DNER: variants seen among roughly 807,000 people sequenced by gnomAD.
The protein encoded by DNER is delta/notch like EGF repeat containing.
DNER carries 33 observed loss-of-function variants against 78.2 expected under a neutral mutation model. The observed-to-expected ratio is 0.42, with a 90% confidence interval of 0.32 to 0.56. The LOEUF is 0.56. Ranked by LOEUF, DNER falls within the 20% of genes least tolerant of loss-of-function variation. The probability of loss-of-function intolerance (pLI) is 0.11; values close to 1 mark genes in which losing one functional copy is unlikely to be tolerated. For synonymous variants in DNER, 417 were observed against 384.8 expected, an observed-to-expected ratio of 1.08 and a Z score of -0.98; for missense variants, 918 against 975.3, an observed-to-expected ratio of 0.94 and a Z score of 0.78.
chr2:229,553,627 C>T (rs58110232), intron 4 of DNER, among the ~76,000 whole-genome samples: 33 of 152,292 alleles, frequency 2.2e-4, no homozygotes, highest in African/African-American at 7.9e-4. Context: ...GCCATGCCAG[C>T]GCAGGTGGGT....
At chr2:229,460,247 A>G (rs187512474) in intron 7 of DNER, among the ~76,000 whole-genome samples, 340 of 151,740 alleles carry the variant, frequency 2.2e-3, no homozygotes, top group Non-Finnish European at 3.7e-3. Context: ...CAGAACTCTT[A>G]AAATAATTCA....
At chr2:229,495,900 C>A (rs1695491556) in intron 6 of DNER, among the ~76,000 whole-genome samples, 1 of 152,206 alleles carries the variant, frequency 6.6e-6, no homozygotes, top group Admixed American at 6.5e-5. Context: ...CTCATCACTG[C>A]CAACCAGTAT....
chr2:229,528,270 A>T (rs1358085510), intron 5 of DNER, among the ~76,000 whole-genome samples: 1 of 152,190 alleles, frequency 6.6e-6, no homozygotes, highest in East Asian at 1.9e-4. Flanking sequence ...TGCAACAAGG[A>T]CCATGAGAAG....
chr2:229,376,286 T>A (rs2106330250), intron 11 of DNER, among the ~76,000 whole-genome samples: 1 of 152,204 alleles, frequency 6.6e-6, no homozygotes. Context: ...AATGTCCTTA[T>A]AAAAGAGGCC....
At chr2:229,665,359 C>T (rs763637479) in intron 1 of DNER, among the ~76,000 whole-genome samples, 3 of 152,162 alleles carry the variant, frequency 2.0e-5, no homozygotes, top group Non-Finnish European at 4.4e-5. Context: ...ACCAGGTCCA[C>T]CAATGTCCAA....
intron 1 of DNER, among the ~76,000 whole-genome samples, chr2:229,702,656 G>A (rs546222915): frequency 3.3e-5 from 5 of 152,008 alleles, no homozygotes; most frequent in South Asian, 2.1e-4. Flanking sequence ...GGTGGCTCAC[G>A]CCTGTAATCC....
chr2:229,554,422 T>G lies in DNER; in HGVS notation c.848-7330A>C, dbSNP rs529116510. ...AAAATTTTACAATGGCCAGGCATGATGGCTCACGCCTATAATCCTAGCACT... is the reference window on the plus strand; with the variant it reads ...AAAATTTTACAATGGCCAGGCATGAGGGCTCACGCCTATAATCCTAGCACT... On this transcript the variant is annotated intron_variant, in intron 4 of 12. Coordinates refer to ENST00000341772, the MANE Select transcript of DNER (RefSeq NM_139072.4). 3.3e-5 allele frequency among the ~76,000 whole-genome samples: 5 copies of G among 152,290 alleles called. No individual in the cohort carries two copies. In the East Asian group the frequency reaches 9.7e-4, roughly 29 times the overall value.
At chr2:229,640,041 T>A (rs971155530) in intron 1 of DNER, among the ~76,000 whole-genome samples, 1 of 152,200 alleles carries the variant, frequency 6.6e-6, no homozygotes, top group East Asian at 1.9e-4. Flanking sequence ...GAAGTCCTTC[T>A]CCCATAGCCC....
intron 11 of DNER, among the ~76,000 whole-genome samples, chr2:229,378,330 G>A (rs1484170505): frequency 2.0e-5 from 3 of 152,266 alleles, no homozygotes; most frequent in South Asian, 4.1e-4. Context: ...AGATGGTCAG[G>A]GAAGGCACCT....
intron 4 of DNER, among the ~76,000 whole-genome samples, chr2:229,551,570 G>T (rs1696737205): frequency 6.6e-6 from 1 of 152,050 alleles, no homozygotes; most frequent in Non-Finnish European, 1.5e-5. Flanking sequence ...GGAGGCAGAG[G>T]TTGCAGTGAG....
chr2:229,521,322 C>G (rs944993938), intron 5 of DNER, among the ~76,000 whole-genome samples: 1 of 152,182 alleles, frequency 6.6e-6, no homozygotes, highest in Non-Finnish European at 1.5e-5. Context: ...ACTCATGTAA[C>G]GACACAGCAT....
chr2:229,539,432 C>A (rs1487159096), intron 5 of DNER, among the ~76,000 whole-genome samples: 2 of 152,228 alleles, frequency 1.3e-5, no homozygotes, highest in Non-Finnish European at 2.9e-5. Context: ...ACTGGCAATG[C>A]TGCTTAAAAT....
At chr2:229,363,198 A>G (rs1692255481) in intron 12 of DNER, among the ~76,000 whole-genome samples, 2 of 152,056 alleles carry the variant, frequency 1.3e-5, no homozygotes, top group Non-Finnish European at 2.9e-5. Flanking sequence ...CTCCTTCTCA[A>G]CCCTACTAGG....
chr2:229,643,977 A>G (rs1318788862), intron 1 of DNER, among the ~76,000 whole-genome samples: 1 of 152,132 alleles, frequency 6.6e-6, no homozygotes, highest in African/African-American at 2.4e-5. Flanking sequence ...TCACCACTTC[A>G]GTGCTTTGCA....
At chr2:229,391,480 T>C (rs1397129991) in intron 10 of DNER, among the ~76,000 whole-genome samples, 1 of 152,208 alleles carries the variant, frequency 6.6e-6, no homozygotes, top group African/African-American at 2.4e-5. Flanking sequence ...CAAAATGAAA[T>C]TTCTACTTGA....
At chr2:229,544,588 A>G (rs1472249047) in intron 5 of DNER, among the ~76,000 whole-genome samples, 6 of 151,836 alleles carry the variant, frequency 4.0e-5, no homozygotes, top group African/African-American at 1.4e-4. Context: ...GCTGGAGGCC[A>G]ATGGCACAAT....
chr2:229,451,797 G>A (rs1694463527), intron 7 of DNER, among the ~76,000 whole-genome samples: 1 of 152,184 alleles, frequency 6.6e-6, no homozygotes, highest in South Asian at 2.1e-4. Context: ...TTTCTATCCT[G>A]TTTGTGTCTT....
At chr2:229,707,493 A>C (rs1699848050) in intron 1 of DNER, among the ~76,000 whole-genome samples, 1 of 152,188 alleles carries the variant, frequency 6.6e-6, no homozygotes, top group Non-Finnish European at 1.5e-5. Context: ...TCCTTCTCCT[A>C]AACACAATCC....
At chr2:229,421,124 TGGATGAACCTTCA>T (rs1211418467) in intron 8 of DNER, among the ~76,000 whole-genome samples, 1 of 152,212 alleles carries the variant, frequency 6.6e-6, no homozygotes, top group Non-Finnish European at 1.5e-5. Context: ...TGCTACAATA[TGGATGAACCTTCA>T]GGACATTACA....
Sources: allele counts gnomAD v4.1 joint callset (sites outside exome capture counted in the v4.1 genomes callset), GRCh38; gene constraint gnomAD v4.1.1; transcripts MANE v1.5; gene names NCBI Gene and HGNC (gene_info 2026-07-23, HGNC 2026-07-21).